CNTFR: variants seen among roughly 807,000 people sequenced by gnomAD.
CNTFR encodes the protein ciliary neurotrophic factor receptor subunit alpha.
CNTFR carries 12 observed loss-of-function variants against 40.4 expected under a neutral mutation model. That is an observed-to-expected ratio of 0.30 (90% CI 0.19 to 0.48). The LOEUF (loss-of-function observed/expected upper bound fraction) is 0.48. Among genes scored for constraint, CNTFR ranks in the 20% least tolerant of loss-of-function variants. The pLI, the probability that CNTFR is intolerant of heterozygous loss-of-function variation, is 0.99. For synonymous variants in CNTFR, 202 were observed against 209.6 expected (o/e 0.96, Z 0.31); for missense variants, 414 against 506.8 (o/e 0.82, Z 1.76).
chr9:34,588,085 T>C lies in CNTFR; in HGVS notation c.-112+1470A>G, dbSNP rs535554530. On this transcript the variant is annotated intron_variant, in intron 1 of 9. Transcript: ENST00000378980. ...CTGTGCATGAACTTTAAACTCCTAG[T>C]CTTTGTGTAGGCTCAGGGTCTCAGT... Among the ~76,000 whole-genome samples, 11 of 152,266 alleles carry C rather than the reference T, an allele frequency of 7.2e-5. No individual in the cohort carries two copies. The East Asian group carries it at 2.1e-3, about 29-fold the overall frequency.
At position 34,552,192 on chromosome 9, in the gene CNTFR, C is replaced by T. The variant is rs756663583; in HGVS notation, c.1087G>A (p.Ala363Thr). 3.8e-6 allele frequency: 6 copies of T among 1,591,872 alleles called. No individual in the cohort carries two copies. The highest frequency in any genetic ancestry group is 4.5e-5 in the East Asian group (2 of 43,966). ...AAGAGACTGCTGGCAGTGGCGGCAG[C>T]GGCAGCCAGGGCCAGAGTGATGGGG... ...SVPITLALAA[A>T]AATASSLLI Residue 363 changes from alanine to threonine, a missense_variant, in exon 9 of 10, where the codon GCT becomes ACT. Physicochemically the swap from Ala to Thr is moderately conservative, Grantham distance 58. This residue lies in a region of CNTFR where 81 missense variants were observed against 92.2 expected (regional missense o/e 0.88). Transcript: ENST00000378980. The surrounding 1 kb of genome is among the most constrained non-coding windows in gnomAD (Gnocchi z 5.1).
chr9:34,560,900 A>G (rs1232644850), intron 4 of CNTFR, among the ~76,000 whole-genome samples: 1 of 151,988 alleles, frequency 6.6e-6, no homozygotes, highest in African/African-American at 2.4e-5. Context: ...AGCCCACCAA[A>G]CCGCATGTTT....
chr9:34,557,571 G>C lies in CNTFR; in HGVS notation c.559C>G (p.Leu187Val), dbSNP rs778321460. The C allele has an allele frequency of 6.2e-7, 1 of 1,614,198 alleles. No individual in the cohort carries two copies. Among genetic ancestry groups the C allele is most frequent in the Non-Finnish European group, 8.5e-7 (1 of 1,180,034 alleles). ...GTGATAGCTGTGGCATTGTGGCCCA[G>C]GGCATTGCTGACACTTATGGAGACC... ...YKVSISVSNA[L>V]GHNATAITFD... Residue 187 changes from leucine to valine, a missense_variant, in exon 6 of 10, where the codon CTG becomes GTG. By Grantham distance (32) the Leu-to-Val change is conservative. Transcript: ENST00000378980. The surrounding 1 kb of genome is among the most constrained non-coding windows in gnomAD (Gnocchi z 4.2).
At chr9:34,585,974 C>T (rs1182791290) in intron 1 of CNTFR, among the ~76,000 whole-genome samples, 1 of 152,228 alleles carries the variant, frequency 6.6e-6, no homozygotes, top group African/African-American at 2.4e-5. Context: ...TCCAAGCCTC[C>T]CACCCCGGCT....
In CNTFR at chr9:34,557,437, G is replaced by T; in HGVS notation, c.604+89C>A. 1 of 1,415,968 alleles carries T rather than the reference G, an allele frequency of 7.1e-7. No individual in the cohort carries two copies. Among genetic ancestry groups the T allele is most frequent in the Non-Finnish European group, 9.8e-7 (1 of 1,024,048 alleles). The allele number at this position is 1,415,968 out of a possible 1,614,324, so 87.7% of individuals were successfully genotyped here. On this transcript the variant is annotated intron_variant, in intron 6 of 9. Coordinates refer to ENST00000378980, the MANE Select transcript of CNTFR (RefSeq NM_147164.3). This position sits in a 1 kb window ranked among gnomAD's most constrained non-coding sequence, Gnocchi z 4.2. ...GCATGTACATGCCATGTATACATGT[G>T]CATGCATGTGGACATCCCCACCAAT... is the stretch of plus-strand genomic sequence containing the variant.
Position 34,552,221 on chromosome 9 carries a change from C to A in CNTFR, c.1058G>T (p.Ser353Ile). 1 of 1,573,996 alleles carries A rather than the reference C, an allele frequency of 6.4e-7. No individual in the cohort carries two copies. Among genetic ancestry groups the A allele is most frequent in the Admixed American group, 1.8e-5 (1 of 54,232 alleles). Residue 353 changes from serine to isoleucine, a missense_variant, in exon 9 of 10, where the codon AGC becomes ATC. Around this residue, in one of 3 missense-constraint regions of CNTFR, gnomAD observed 81 missense variants for 92.2 expected, o/e 0.88. Coordinates refer to ENST00000378980, the MANE Select transcript of CNTFR (RefSeq NM_147164.3). This position sits in a 1 kb window ranked among gnomAD's most constrained non-coding sequence, Gnocchi z 5.1. ...GGGPSAPFLV[S>I]VPITLALAAA... ...AGCCAGGGCCAGAGTGATGGGGACG[C>A]TGACCAAGAAGGGTGCCGAGGGTCC...
intron 3 of CNTFR, among the ~76,000 whole-genome samples, chr9:34,567,471 G>A (rs1826360627): frequency 6.6e-6 from 1 of 152,126 alleles, no homozygotes; most frequent in African/African-American, 2.4e-5. Context: ...TCATCCACAA[G>A]GCCACAGTCA....
intron 3 of CNTFR, 28 bp from the exon 4 acceptor site, chr9:34,564,860 A>C: frequency 6.2e-7 from 1 of 1,602,278 alleles, no homozygotes; most frequent in Non-Finnish European, 8.5e-7. Context: ...ACAGGGCAAA[A>C]GTCACAGGTC....
chr9:34,588,619 G>A (rs1426811170), intron 1 of CNTFR, among the ~76,000 whole-genome samples: 2 of 152,020 alleles, frequency 1.3e-5, no homozygotes, highest in African/African-American at 4.8e-5. Context: ...CAAAAAGAGA[G>A]ACTAGACGGA....
chr9:34,561,502 GGAGGA>G (rs1438150265), intron 4 of CNTFR, among the ~76,000 whole-genome samples: 2 of 152,242 alleles, frequency 1.3e-5, no homozygotes, highest in Admixed American at 6.5e-5. Flanking sequence ...GTCATCCTAG[GGAGGA>G]GAGGAGTCCT....
chr9:34,577,490 G>A (rs910171371), intron 2 of CNTFR, among the ~76,000 whole-genome samples: 6 of 152,234 alleles, frequency 3.9e-5, no homozygotes, highest in Non-Finnish European at 5.9e-5. Context: ...TCAGGCAGTG[G>A]GGACTAAAGT....
chr9:34,587,169 G>A (rs780569882), intron 1 of CNTFR, among the ~76,000 whole-genome samples: 1 of 152,192 alleles, frequency 6.6e-6, no homozygotes, highest in Admixed American at 6.5e-5. Flanking sequence ...TGAAGTGAGA[G>A]AGCCTGTGAG....
chr9:34,584,054 AAGG>A (rs770830851), intron 1 of CNTFR, among the ~76,000 whole-genome samples: 30 of 152,200 alleles, frequency 2.0e-4, no homozygotes, highest in Admixed American at 2.6e-4. Context: ...CTGAAGAGGT[AAGG>A]AGGAGGGCAG....
In CNTFR at chr9:34,589,687, G is replaced by A; in HGVS notation, c.-244C>T. ...GCCTCGCGCCGCGCCGGCTGGAGCC[G>A]CCGCCTCCGCTGCCGCCGCCGCCGC... On this transcript the variant is annotated 5_prime_UTR_variant, in exon 1 of 10. Coordinates refer to ENST00000378980, the MANE Select transcript of CNTFR (RefSeq NM_147164.3). This position sits in a 1 kb window ranked among gnomAD's most constrained non-coding sequence, Gnocchi z 4.4. 1 of 156,936 alleles carries A rather than the reference G, an allele frequency of 6.4e-6. No individual in the cohort carries two copies. Among genetic ancestry groups the A allele is most frequent in the Non-Finnish European group, 1.4e-5 (1 of 72,418 alleles). The allele number at this position is 156,936 out of a possible 1,614,324, so 9.7% of individuals were successfully genotyped here.
chr9:34,586,686 G>C (rs1827560148), intron 1 of CNTFR, among the ~76,000 whole-genome samples: 1 of 152,174 alleles, frequency 6.6e-6, no homozygotes, highest in South Asian at 2.1e-4. Flanking sequence ...CATTACTCCT[G>C]TACCAACAAT....
intron 1 of CNTFR, among the ~76,000 whole-genome samples, chr9:34,588,926 G>T (rs1023593629): frequency 6.6e-6 from 1 of 152,140 alleles, no homozygotes; most frequent in African/African-American, 2.4e-5. Context: ...GACACTTGGG[G>T]ATACACCATA....
Position 34,554,331 on chromosome 9 carries a change from C to T in CNTFR, c.769-1477G>A. ...TCAGTCTCTCCCCACAGGGAGGGAGCCACGGGGAACAGATCAAATTGCCAC... is the reference window on the plus strand; with the variant it reads ...TCAGTCTCTCCCCACAGGGAGGGAGTCACGGGGAACAGATCAAATTGCCAC... On this transcript the variant is annotated intron_variant, in intron 7 of 9. Transcript: ENST00000378980. Among the ~76,000 whole-genome samples the T allele has an allele frequency of 1.3e-5, 2 of 152,288 alleles. 1 individual carries two copies. The highest frequency in any genetic ancestry group is 4.1e-4 in the South Asian group (2 of 4,826).
chr9:34,573,752 G>A (rs1826800646), intron 2 of CNTFR, among the ~76,000 whole-genome samples: 1 of 152,186 alleles, frequency 6.6e-6, no homozygotes, highest in Non-Finnish European at 1.5e-5. Context: ...CCCCACAGCA[G>A]CCTAGAGGGC....
At chr9:34,562,193 T>A (rs150196114) in intron 4 of CNTFR, among the ~76,000 whole-genome samples, 4 of 152,174 alleles carry the variant, frequency 2.6e-5, no homozygotes, top group African/African-American at 9.7e-5. Context: ...CGGTGCCAAG[T>A]TGGGTTCATC....
Sources: gnomAD v4.1 joint callset for allele counts (sites outside exome capture counted in the v4.1 genomes callset) on GRCh38, gnomAD v4.1.1 for gene constraint, gnomAD v4.1.1 regional missense constraint, Gnocchi (gnomAD v3.1) non-coding constraint, MANE v1.5 for transcripts, NCBI Gene and HGNC (gene_info 2026-07-23, HGNC 2026-07-21) for gene names.